The following MRPL3 variants were observed in gnomAD, a reference collection of about 807,000 sequenced individuals.
MRPL3 encodes mitochondrial ribosomal protein L3, also known as large ribosomal subunit protein uL3m.
A neutral mutation model predicts 44.3 loss-of-function variants in MRPL3; 43 were observed. The ratio of observed to expected loss-of-function variants is 0.97; its 90% CI spans 0.76 to 1.25. The LOEUF is 1.25. MRPL3 is among the 50% of genes most tolerant of loss of function. The probability of loss-of-function intolerance (pLI) is 0.00; values close to 1 mark genes in which losing one functional copy is unlikely to be tolerated. For missense variants in MRPL3, 406 were observed against 427.6 expected (o/e 0.95, Z 0.45); for synonymous variants, 171 against 152.3 (o/e 1.12, Z -0.91).
At chr3:131,477,533 T>C (rs938804429) in intron 6 of MRPL3, among the ~76,000 whole-genome samples, 1 of 152,224 alleles carries the variant, frequency 6.6e-6, no homozygotes, top group African/African-American at 2.4e-5. Flanking sequence ...TACGGAATAT[T>C]CAGGAGCAGA....
intron 7 of MRPL3, among the ~76,000 whole-genome samples, chr3:131,470,104 T>C (rs1933707963): frequency 1.3e-5 from 2 of 151,900 alleles, no homozygotes; most frequent in Non-Finnish European, 2.9e-5. Context: ...AGAAAAAAAA[T>C]GGACTGCCAG....
chr3:131,464,037 C>A (rs1933547753), intron 9 of MRPL3, among the ~76,000 whole-genome samples: 1 of 151,870 alleles, frequency 6.6e-6, no homozygotes, highest in South Asian at 2.1e-4. Context: ...AGTAAATTAC[C>A]CAGAAGAAAG....
chr3:131,462,681 G>C lies in MRPL3; in HGVS notation c.*42C>G. On this transcript the variant is annotated 3_prime_UTR_variant, in exon 10 of 10. Coordinates refer to ENST00000264995, the MANE Select transcript of MRPL3 (RefSeq NM_007208.4). ...GGTTATGATATCACTCTGGCTCATC[G>C]AAGCTCACAGAATATGTAAGGTTCT... is the stretch of plus-strand genomic sequence containing the variant. 6.5e-7 allele frequency: 1 copy of C among 1,547,462 alleles called. No homozygotes were observed. The highest frequency in any genetic ancestry group is 8.8e-7 in the Non-Finnish European group (1 of 1,139,352).
rs969556048 is a variant in MRPL3 at position 131,472,786 on chromosome 3, G to GA, written c.630-1508dup. Reference sequence around the variant, plus strand: ...TCTAAATACTAATAGTGAACTATCTGAAAAAAAAATCAAGAAAACAATTCC... The same window carrying GA: ...TCTAAATACTAATAGTGAACTATCTGAAAAAAAAAATCAAGAAAACAATTCC... On this transcript the variant is annotated intron_variant, in intron 6 of 9. Coordinates refer to ENST00000264995, the MANE Select transcript of MRPL3 (RefSeq NM_007208.4). 2.4e-4 allele frequency among the ~76,000 whole-genome samples: 36 copies of GA among 149,558 alleles called. No homozygotes were observed. In the East Asian group the frequency reaches 4.3e-3, roughly 18 times the overall value.
intron 3 of MRPL3, among the ~76,000 whole-genome samples, chr3:131,498,557 C>G (rs923264701): frequency 1.3e-5 from 2 of 151,768 alleles, no homozygotes; most frequent in African/African-American, 4.8e-5. Flanking sequence ...AAAAAATTAG[C>G]CGGGCATGCT....
rs774831459 is a variant in MRPL3 at position 131,500,421 on chromosome 3, C to A, written c.369+9G>T. The A allele has an allele frequency of 4.0e-5, 65 of 1,606,612 alleles. No homozygotes were observed. The highest frequency in any genetic ancestry group is 5.5e-5 in the Non-Finnish European group (65 of 1,173,600). ...TAGATATCTCTTACGTCTTCTGTTT[C>A]TCTCTTACCTGAAGTAATGTGACCA... is the stretch of plus-strand genomic sequence containing the variant. On this transcript the variant is annotated intron_variant, in intron 3 of 9. Coordinates refer to ENST00000264995, the MANE Select transcript of MRPL3 (RefSeq NM_007208.4).
At chr3:131,500,060 T>C (rs1227795787) in intron 3 of MRPL3, among the ~76,000 whole-genome samples, 1 of 152,218 alleles carries the variant, frequency 6.6e-6, no homozygotes, top group Non-Finnish European at 1.5e-5. Flanking sequence ...AAGAGTATTA[T>C]ATTCTGTTAG....
chr3:131,487,044 G>A (rs934042929), intron 6 of MRPL3: 2 of 152,162 alleles, frequency 1.3e-5, no homozygotes, highest in Non-Finnish European at 2.9e-5. Context: ...CAAAGACTTG[G>A]AACCAACCCG....
chr3:131,497,806 A>G (rs1468737847), intron 4 of MRPL3, among the ~76,000 whole-genome samples: 2 of 152,228 alleles, frequency 1.3e-5, no homozygotes, highest in Admixed American at 6.5e-5. Flanking sequence ...ATGAAACATA[A>G]AACAATAACA....
In MRPL3 at chr3:131,498,198, T is replaced by G; in HGVS notation, c.449A>C (p.Lys150Thr). 6.2e-7 allele frequency: 1 copy of G among 1,607,372 alleles called. No individual in the cohort carries two copies. ...CCTTACACGAAAACGTGATACAGTT[T>G]TTCCTCCTACAGACAGGGTTGCCAT... ...GKMATLSVGG[K>T]TVSRFRKATS... The change falls in exon 4 of 10, where the codon AAA (lysine) becomes ACA (threonine). Residue 150 changes from lysine to threonine, a missense_variant. Transcript: ENST00000264995.
At chr3:131,474,962 G>A (rs894958942) in intron 6 of MRPL3, among the ~76,000 whole-genome samples, 1 of 151,700 alleles carries the variant, frequency 6.6e-6, no homozygotes. Context: ...ATTTTTTTTG[G>A]TAGAGAGAGG....
chr3:131,468,141 T>C lies in MRPL3; in HGVS notation c.844A>G (p.Ile282Val), dbSNP rs1225530212. The C allele has an allele frequency of 1.3e-5, 21 of 1,594,820 alleles. No individual in the cohort carries two copies. Among genetic ancestry groups the C allele is most frequent in the Middle Eastern group, 3.3e-4 (2 of 5,980 alleles). ...GGTACAGAGCCATTTACATAGATTA[T>C]GTTGTGCTTTGTGTTTATTCTCCAC... ...KVWRINTKHN[I>V]IYVNGSVPGH... Residue 282 changes from isoleucine (I) to valine (V), a missense_variant, in exon 9 of 10, where the codon ATA becomes GTA. By Grantham distance (29) the Ile-to-Val change is conservative (BLOSUM62 3). Transcript: ENST00000264995.
intron 6 of MRPL3, among the ~76,000 whole-genome samples, chr3:131,477,587 G>A (rs969814809): frequency 2.6e-5 from 4 of 152,088 alleles, no homozygotes; most frequent in African/African-American, 9.7e-5. Flanking sequence ...ATCCAGTGTT[G>A]AACAATAATC....
chr3:131,474,242 C>T (rs9682979), intron 6 of MRPL3, among the ~76,000 whole-genome samples: 28 of 152,252 alleles, frequency 1.8e-4, no homozygotes, highest in African/African-American at 6.7e-4. Context: ...CCATCTGCAA[C>T]AACATTAATG....
chr3:131,495,547 A>G (rs1483212044), intron 4 of MRPL3, among the ~76,000 whole-genome samples: 1 of 152,212 alleles, frequency 6.6e-6, no homozygotes, highest in Non-Finnish European at 1.5e-5. Flanking sequence ...CCACAACATT[A>G]GAACACAACA....
chr3:131,502,418 T>A (rs1934518368), intron 1 of MRPL3, among the ~76,000 whole-genome samples: 1 of 152,202 alleles, frequency 6.6e-6, no homozygotes, highest in Non-Finnish European at 1.5e-5. Context: ...AGCAGTTTGC[T>A]CCCGTGAGGC....
Position 131,502,946 on chromosome 3 carries a change from A to AACTGCCG in MRPL3, c.-126_-125insCGGCAGT. ...GGGAAGTTTTCGCAATGGCCGCCGG[A>AACTGCCG]ACGGTCGCCGGCCGATGCTCTCTGC... On this transcript the variant is annotated 5_prime_UTR_variant, in exon 1 of 10. Transcript: ENST00000264995. 1.1e-6 allele frequency: 1 copy of AACTGCCG among 888,662 alleles called. No homozygotes were observed. The highest frequency in any genetic ancestry group is 1.7e-5 in the African/African-American group (1 of 60,510). 55.0% of individuals were successfully genotyped at this position (888,662 alleles called of 1,614,324 possible). A position where few individuals can be genotyped will look rare whatever the true frequency, so the allele number is the denominator to read the frequency against.
rs1180135286 is a variant in MRPL3, at chr3:131,500,448, A to G, written c.351T>C (p.His117=). Residue 117 remains histidine, a synonymous_variant, in exon 3 of 10, where the codon CAT becomes CAC. Transcript: ENST00000264995. ...CTCTTACCTGAAGTAATGTGACCACATGCTTTTGACCATCCTTGGTCCATA... is the reference window on the plus strand; with the variant it reads ...CTCTTACCTGAAGTAATGTGACCACGTGCTTTTGACCATCCTTGGTCCATA... ...MPLWTKDGQK[H]VVTLLQVQDC... The G allele has an allele frequency of 6.8e-6, 11 of 1,613,632 alleles. No individual in the cohort carries two copies. Among genetic ancestry groups the G allele is most frequent in the East Asian group, 2.2e-5 (1 of 44,882 alleles).
At chr3:131,487,964 A>T (rs533740371) in intron 5 of MRPL3, among the ~76,000 whole-genome samples, 38 of 152,326 alleles carry the variant, frequency 2.5e-4, no homozygotes, top group Admixed American at 1.8e-3. Context: ...AGTGATTCCC[A>T]TGACAACACA....
Sources: gnomAD v4.1 joint callset for allele counts (sites outside exome capture counted in the v4.1 genomes callset) on GRCh38, gnomAD v4.1.1 for gene constraint, MANE v1.5 for transcripts, NCBI Gene and HGNC (gene_info 2026-07-23, HGNC 2026-07-21) for gene names.